Variants in SLC46A2 observed in about 807,000 individuals in gnomAD.
SLC46A2 encodes solute carrier family 46 member 2, also known as thymic stromal co-transporter.
Under a neutral mutation model 33.1 loss-of-function variants are expected in SLC46A2, and 25 were observed. That is an observed-to-expected ratio of 0.76 (90% CI 0.55 to 1.06). The LOEUF (loss-of-function observed/expected upper bound fraction) is 1.06. SLC46A2 is among the 50% of genes least tolerant of loss of function. The probability of loss-of-function intolerance (pLI) is 0.00; values close to 1 mark genes in which losing one functional copy is unlikely to be tolerated. For synonymous variants in SLC46A2, 254 were observed against 275.9 expected (o/e 0.92, Z 0.79); for missense variants, 622 against 621.7 (o/e 1.00, Z 0.00).
rs376017853 is a variant in SLC46A2 at position 112,887,292 on chromosome 9, G to T, written c.1213+38C>A. 4 of 1,594,250 alleles carry T rather than the reference G, an allele frequency of 2.5e-6. No homozygotes were observed. The South Asian group carries it at 4.5e-5, about 18-fold the overall frequency. On this transcript the variant is annotated intron_variant, in intron 2 of 3. Transcript: ENST00000374228. ...ATGCTTAGCAGCTCTGAAACAGCCC[G>T]GGCAGAAGATTCCAGAGAGATTCTG... is the stretch of plus-strand genomic sequence containing the variant.
In SLC46A2 at chr9:112,879,760, C is replaced by A; in HGVS notation, c.*2G>T. The A allele has an allele frequency of 6.2e-7, 1 of 1,611,990 alleles. No homozygotes were observed. The highest frequency in any genetic ancestry group is 8.5e-7 in the Non-Finnish European group (1 of 1,178,342). On this transcript the variant is annotated 3_prime_UTR_variant, in exon 4 of 4. Coordinates refer to ENST00000374228, the MANE Select transcript of SLC46A2 (RefSeq NM_033051.4). ...GTTTTCAGTTCCTGCAGGTAAGCAT[C>A]TTCATTTCTCTATGATGTCTCCATA... is the stretch of plus-strand genomic sequence containing the variant.
In SLC46A2 at chr9:112,890,821, G is replaced by T; in HGVS notation, c.-140C>A. ...TGCGCCGGGAGCGCGAGTGTGCTCC[G>T]TGCGCCGGGAGCGCGCCGGCCAGTG... On this transcript the variant is annotated 5_prime_UTR_variant, in exon 1 of 4. Transcript: ENST00000374228. The surrounding 1 kb of genome is among the most constrained non-coding windows in gnomAD (Gnocchi z 6.0). 1 of 1,025,778 alleles carries T rather than the reference G, an allele frequency of 9.7e-7. No individual in the cohort carries two copies. Among genetic ancestry groups the T allele is most frequent in the Non-Finnish European group, 1.4e-6 (1 of 728,624 alleles). The allele number at this position is 1,025,778 out of a possible 1,614,324, so 63.5% of individuals were successfully genotyped here.
intron 3 of SLC46A2, among the ~76,000 whole-genome samples, 164 bp downstream of exon 3, chr9:112,886,296 T>C (rs1345785922): frequency 6.6e-6 from 1 of 152,216 alleles, no homozygotes; most frequent in Non-Finnish European, 1.5e-5. Context: ...TTTTTAGTGT[T>C]GGGAAACAGG....
At chr9:112,881,842 G>A (rs1195736218) in intron 3 of SLC46A2, among the ~76,000 whole-genome samples, 1 of 152,180 alleles carries the variant, frequency 6.6e-6, no homozygotes, top group Admixed American at 6.5e-5. Flanking sequence ...AGGAAGCTCT[G>A]GGAGCATGTA....
chr9:112,886,309 G>A, intron 3 of SLC46A2, 151 bp downstream of exon 3: 1 of 765,934 alleles, frequency 1.3e-6, no homozygotes, highest in Non-Finnish European at 2.1e-6. Flanking sequence ...GAAACAGGAG[G>A]ACTTTTTCTT....
chr9:112,879,241 A>T lies in SLC46A2; in HGVS notation c.*521T>A, dbSNP rs1406380648. The T allele has an allele frequency of 1.3e-5, 2 of 152,428 alleles. No individual in the cohort carries two copies. The highest frequency in any genetic ancestry group is 2.9e-5 in the Non-Finnish European group (2 of 68,162). The allele number at this position is 152,428 out of a possible 1,614,324, so 9.4% of individuals were successfully genotyped here. On this transcript the variant is annotated 3_prime_UTR_variant, in exon 4 of 4. Transcript: ENST00000374228. Reference sequence around the variant, plus strand: ...TGACTTTTTTCAAGGTTTTATTTTAATTTAAAAGACATTGTTCGTGCAAAA... The same window carrying T: ...TGACTTTTTTCAAGGTTTTATTTTATTTTAAAAGACATTGTTCGTGCAAAA...
At chr9:112,887,474 T>G in intron 1 of SLC46A2, 61 bp from the exon 2 acceptor site, 1 of 1,465,360 alleles carries the variant, frequency 6.8e-7, no homozygotes, top group Non-Finnish European at 9.3e-7. Context: ...AGGAGGAAAT[T>G]ATCAAAAGCC....
chr9:112,882,658 A>G (rs892042494), intron 3 of SLC46A2, among the ~76,000 whole-genome samples: 1 of 152,054 alleles, frequency 6.6e-6, no homozygotes, highest in Non-Finnish European at 1.5e-5. Context: ...TTGGAGGTAG[A>G]ATCAATATAT....
intron 2 of SLC46A2, among the ~76,000 whole-genome samples, chr9:112,887,046 G>A (rs1841651079): frequency 6.6e-6 from 1 of 151,994 alleles, no homozygotes; most frequent in Non-Finnish European, 1.5e-5. Flanking sequence ...CAGTCTTTGT[G>A]TGGCTCAATT....
At position 112,889,711 on chromosome 9, in the gene SLC46A2, A is replaced by G. The variant is rs1841700243; in HGVS notation, c.971T>C (p.Met324Thr). The change falls in exon 1 of 4, where the codon ATG (methionine) becomes ACG (threonine). Residue 324 changes from methionine (M) to threonine (T), a missense_variant. Coordinates refer to ENST00000374228, the MANE Select transcript of SLC46A2 (RefSeq NM_033051.4). ...GWNQVQVGYG[M>T]AAGYTIFITS... ...GATGAAGATGGTGTACCCTGCAGCCATACCATAGCCCACCTGCACTTGGTT... is the reference window on the plus strand; with the variant it reads ...GATGAAGATGGTGTACCCTGCAGCCGTACCATAGCCCACCTGCACTTGGTT... The G allele has an allele frequency of 6.2e-7, 1 of 1,614,154 alleles. No individual in the cohort carries two copies. The highest frequency in any genetic ancestry group is 8.5e-7 in the Non-Finnish European group (1 of 1,179,998).
In SLC46A2 at chr9:112,890,432, C is replaced by T. The variant is rs1282006067; in HGVS notation, c.250G>A (p.Val84Met). The change falls in exon 1 of 4, where the codon GTG (valine) becomes ATG (methionine). Residue 84 changes from valine (V) to methionine (M), a missense_variant. Physicochemically the swap from Val to Met is conservative, Grantham distance 21. Coordinates refer to ENST00000374228, the MANE Select transcript of SLC46A2 (RefSeq NM_033051.4). The surrounding 1 kb of genome is among the most constrained non-coding windows in gnomAD (Gnocchi z 6.0). ...GACAGCAGGGGGGACAGGCCCACCA[C>T]AAGGTTGTAGATAATGTAGAAATTG... ...ISNFYIIYNL[V>M]VGLSPLLSAY... The T allele has an allele frequency of 4.3e-6, 7 of 1,614,230 alleles. No individual in the cohort carries two copies. Among genetic ancestry groups the T allele is most frequent in the Admixed American group, 1.7e-5 (1 of 60,034 alleles).
rs986593077 is a variant in SLC46A2 at position 112,879,001 on chromosome 9, A to C, written c.*761T>G. On this transcript the variant is annotated 3_prime_UTR_variant, in exon 4 of 4. Coordinates refer to ENST00000374228, the MANE Select transcript of SLC46A2 (RefSeq NM_033051.4). ...GGTTATAAAAATGACTACCTCAAAT[A>C]AAATAGCTCTTAATGTACCTCCTCT... is the stretch of plus-strand genomic sequence containing the variant. The C allele has an allele frequency of 2.0e-5, 3 of 152,262 alleles. No individual in the cohort carries two copies. Among genetic ancestry groups the C allele is most frequent in the Non-Finnish European group, 4.4e-5 (3 of 68,046 alleles). 9.4% of individuals were successfully genotyped at this position (152,262 alleles called of 1,614,324 possible).
chr9:112,886,348 CATAAATGCTGAAA>C, intron 3 of SLC46A2, 99 bp downstream of exon 3: 1 of 1,200,446 alleles, frequency 8.3e-7, no homozygotes, highest in Non-Finnish European at 1.2e-6. Context: ...GGACCCACTG[CATAAATGCTGAAA>C]ATAAATAATG....
At chr9:112,881,732 C>T (rs1841580069) in intron 3 of SLC46A2, 1 of 152,208 alleles carries the variant, frequency 6.6e-6, no homozygotes, top group African/African-American at 2.4e-5. Flanking sequence ...AGCCAAATAG[C>T]CATGGTCTCT....
intron 3 of SLC46A2, among the ~76,000 whole-genome samples, chr9:112,882,796 A>G (rs1442585217): frequency 1.3e-5 from 2 of 152,152 alleles, no homozygotes; most frequent in African/African-American, 2.4e-5. Flanking sequence ...GAGGGTATCA[A>G]GAACCCTATT....
chr9:112,890,596 G>C lies in SLC46A2; in HGVS notation c.86C>G (p.Ser29Cys), dbSNP rs937109314. Residue 29 changes from serine (S) to cysteine (C), a missense_variant, in exon 1 of 4, where the codon TCC (serine) becomes TGC (cysteine). Ser to Cys is a moderately radical substitution (Grantham distance 112). Transcript: ENST00000374228. The surrounding 1 kb of genome is among the most constrained non-coding windows in gnomAD (Gnocchi z 6.0). Reference protein sequence around the residue: ...RTWVEPVVASSQVAASLYDAG... With the variant: ...RTWVEPVVASCQVAASLYDAG... ...ATCGTAGAGGGAGGCAGCCACCTGG[G>C]ACGAGGCCACCACGGGCTCAACCCA... The C allele has an allele frequency of 5.6e-6, 9 of 1,610,046 alleles. No homozygotes were observed. The highest frequency in any genetic ancestry group is 7.6e-6 in the Non-Finnish European group (9 of 1,179,938).
intron 1 of SLC46A2, among the ~76,000 whole-genome samples, chr9:112,888,128 T>C (rs1841669476): frequency 6.6e-6 from 1 of 152,004 alleles, no homozygotes; most frequent in Non-Finnish European, 1.5e-5. Flanking sequence ...AAATACAAAA[T>C]TAGCTGGGTG....
rs760552001 is a variant in SLC46A2, at chr9:112,879,718, G to T, written c.*44C>A. ...TGGTCCCTTCTTTTGTCTTCTGGGGGCCTGGCCATGGCTGATGTTTTCAGT... is the reference window on the plus strand; with the variant it reads ...TGGTCCCTTCTTTTGTCTTCTGGGGTCCTGGCCATGGCTGATGTTTTCAGT... On this transcript the variant is annotated 3_prime_UTR_variant, in exon 4 of 4. Transcript: ENST00000374228. The T allele has an allele frequency of 4.5e-6, 7 of 1,565,026 alleles. No homozygotes were observed. Among genetic ancestry groups the T allele is most frequent in the East Asian group, 2.2e-5 (1 of 44,494 alleles).
chr9:112,886,332 T>G, intron 3 of SLC46A2, 128 bp downstream of exon 3: 1 of 948,674 alleles, frequency 1.1e-6, no homozygotes. Context: ...TGAGAGAGCC[T>G]ACTCAGGACC....
Sources: allele counts gnomAD v4.1 joint callset (sites outside exome capture counted in the v4.1 genomes callset), GRCh38; gene constraint gnomAD v4.1.1; non-coding constraint Gnocchi (gnomAD v3.1); transcripts MANE v1.5; gene names NCBI Gene and HGNC (gene_info 2026-07-23, HGNC 2026-07-21).